The following CASKIN1 variants were observed in gnomAD, a reference collection of about 807,000 sequenced individuals.
CASKIN1 encodes the protein CASK interacting protein 1, also known as caskin-1.
Under a neutral mutation model 117.5 loss-of-function variants are expected in CASKIN1, and 42 were observed. That is an observed-to-expected ratio of 0.36 (90% CI 0.28 to 0.46). The LOEUF (loss-of-function observed/expected upper bound fraction) is 0.46. Among genes scored for constraint, CASKIN1 ranks in the 20% least tolerant of loss-of-function variants. The pLI is 1.00. For missense variants in CASKIN1, 2,083 were observed against 2,077.3 expected, an observed-to-expected ratio of 1.00 and a Z score of -0.05; for synonymous variants, 1,148 against 961.7, an observed-to-expected ratio of 1.19 and a Z score of -3.59.
chr16:2,196,200 A>T lies in CASKIN1; in HGVS notation c.94+139T>A. ...GGCAGCGGGTGGAGGGCACGGACCA[A>T]GGGTCTGGGCGCTGCTGGCCCCGCC... On this transcript the variant is annotated intron_variant, in intron 1 of 19. Coordinates refer to ENST00000343516, the MANE Select transcript of CASKIN1 (RefSeq NM_020764.4). This position sits in a 1 kb window ranked among gnomAD's most constrained non-coding sequence, Gnocchi z 5.7. The T allele has an allele frequency of 3.9e-6, 1 of 254,974 alleles. No individual in the cohort carries two copies. The highest frequency in any genetic ancestry group is 7.2e-6 in the Non-Finnish European group (1 of 138,480). The allele number at this position is 254,974 out of a possible 1,614,324, so 15.8% of individuals were successfully genotyped here.
Position 2,189,271 on chromosome 16 carries a change from G to A in CASKIN1, c.453C>T (p.Pro151=), listed in dbSNP as rs772713304. ...PCMVDNSGKT[P]LDLACEFGRV... ...GGCCGAACTCGCAGGCCAGGTCCAGGGGCGTCTTCCCCGAGTTGTCCACCA... is the reference window on the plus strand; with the variant it reads ...GGCCGAACTCGCAGGCCAGGTCCAGAGGCGTCTTCCCCGAGTTGTCCACCA... Residue 151 remains proline, a synonymous_variant, in exon 5 of 20, where the codon CCC becomes CCT. Transcript: ENST00000343516. 14 of 1,613,288 alleles carry A rather than the reference G, an allele frequency of 8.7e-6. No homozygotes were observed. The highest frequency in any genetic ancestry group is 2.2e-5 in the East Asian group (1 of 44,870).
rs2093169836 is a variant in CASKIN1, at chr16:2,182,043, G to A, written c.1630-114C>T. The A allele has an allele frequency of 6.8e-7, 1 of 1,460,572 alleles. No individual in the cohort carries two copies. Among genetic ancestry groups the A allele is most frequent in the Non-Finnish European group, 9.4e-7 (1 of 1,066,592 alleles). 90.5% of individuals were successfully genotyped at this position (1,460,572 alleles called of 1,614,324 possible). Reference sequence around the variant, plus strand: ...GCCAGCAGGGCACAGACAGACAGGAGGACAAACGGATAGGCCGAGGTATTG... The same window carrying A: ...GCCAGCAGGGCACAGACAGACAGGAAGACAAACGGATAGGCCGAGGTATTG... On this transcript the variant is annotated intron_variant, in intron 16 of 19. Coordinates refer to ENST00000343516, the MANE Select transcript of CASKIN1 (RefSeq NM_020764.4). The surrounding 1 kb of genome is among the most constrained non-coding windows in gnomAD (Gnocchi z 4.1).
At position 2,179,670 on chromosome 16, in the gene CASKIN1, G is replaced by A. The variant is rs750106651; in HGVS notation, c.3698C>T (p.Thr1233Met). The A allele has an allele frequency of 1.3e-6, 2 of 1,516,224 alleles. No homozygotes were observed. The highest frequency in any genetic ancestry group is 1.4e-5 in the African/African-American group (1 of 71,798). The allele number at this position is 1,516,224 out of a possible 1,614,324, so 93.9% of individuals were successfully genotyped here. The change falls in exon 18 of 20, where the codon ACG (threonine) becomes ATG (methionine). Residue 1233 changes from threonine (T) to methionine (M), a missense_variant. This residue lies in a region of CASKIN1 where 1,818 missense variants were observed against 1,688.9 expected (regional missense o/e 1.08). Transcript: ENST00000343516. This position sits in a 1 kb window ranked among gnomAD's most constrained non-coding sequence, Gnocchi z 5.8. ...GCCCTGGAGCTTGGGCACAGGCTGC[G>A]TCAGGACGGGCTTGGGAGAGACAGG... Reference protein sequence around the residue: ...KPPVSPKPVLTQPVPKLQGSP... With the variant: ...KPPVSPKPVLMQPVPKLQGSP...
intron 16 of CASKIN1, among the ~76,000 whole-genome samples, chr16:2,183,026 A>G (rs2141316569): frequency 6.6e-6 from 1 of 152,292 alleles, no homozygotes; most frequent in East Asian, 1.9e-4. Context: ...TGACCTCGTG[A>G]TCCACCTACC....
In CASKIN1 at chr16:2,181,616, G is replaced by C; in HGVS notation, c.1769-17C>G. 1 of 1,544,718 alleles carries C rather than the reference G, an allele frequency of 6.5e-7. No homozygotes were observed. Among genetic ancestry groups the C allele is most frequent in the Non-Finnish European group, 8.7e-7 (1 of 1,148,800 alleles). ...TCTGGTGCCCTGAGTGGGGCGCAGG[G>C]GGCAGGTCAGGTGGACCAGGAGGCG... On this transcript the variant is annotated splice_polypyrimidine_tract_variant and intron_variant, in intron 17 of 19. Transcript: ENST00000343516.
At position 2,182,460 on chromosome 16, in the gene CASKIN1, G is replaced by A. The variant is rs770445986; in HGVS notation, c.1630-531C>T. On this transcript the variant is annotated intron_variant, in intron 16 of 19. Coordinates refer to ENST00000343516, the MANE Select transcript of CASKIN1 (RefSeq NM_020764.4). The surrounding 1 kb of genome is among the most constrained non-coding windows in gnomAD (Gnocchi z 4.1). ...CAGCAATCTGCACCGAGAAACACCC[G>A]ATCACTCCCCGAGCGGCATTCAGGC... Among the ~76,000 whole-genome samples the A allele has an allele frequency of 2.0e-5, 3 of 151,806 alleles. No homozygotes were observed. The highest frequency in any genetic ancestry group is 4.4e-5 in the Non-Finnish European group (3 of 67,954).
chr16:2,179,727 G>A lies in CASKIN1; in HGVS notation c.3641C>T (p.Pro1214Leu). Residue 1214 changes from proline (P) to leucine (L), a missense_variant, in exon 18 of 20, where the codon CCC becomes CTC. Transcript: ENST00000343516. The surrounding 1 kb of genome is among the most constrained non-coding windows in gnomAD (Gnocchi z 5.8). ...DLAHLPPLPPPEGEARKPAKP... is the reference protein window; with the variant it reads ...DLAHLPPLPPLEGEARKPAKP... The stretch of plus-strand genomic sequence containing the variant: ...GGCCGGCTTCCGGGCTTCGCCCTCG[G>A]GCGGGGGCAATGGGGGTAGGTGCGC... The A allele has an allele frequency of 1.3e-6, 2 of 1,546,670 alleles. No homozygotes were observed. Among genetic ancestry groups the A allele is most frequent in the Non-Finnish European group, 1.7e-6 (2 of 1,152,936 alleles).
chr16:2,179,915 C>T lies in CASKIN1; in HGVS notation c.3453G>A (p.Arg1151=). 6.2e-7 allele frequency: 1 copy of T among 1,605,368 alleles called. No individual in the cohort carries two copies. The highest frequency in any genetic ancestry group is 1.1e-5 in the South Asian group (1 of 89,906). The change falls in exon 18 of 20, where the codon AGG becomes AGA. Residue 1151 remains arginine, a synonymous_variant. Coordinates refer to ENST00000343516, the MANE Select transcript of CASKIN1 (RefSeq NM_020764.4). The surrounding 1 kb of genome is among the most constrained non-coding windows in gnomAD (Gnocchi z 5.8). ...ILTESDTVKR[R]PKAKEREAGP... ...CGGCCTCCCGCTCCTTGGCCTTGGG[C>T]CTGCGCTTGACCGTGTCAGACTCGG... is the stretch of plus-strand genomic sequence containing the variant.
chr16:2,180,982 C>T lies in CASKIN1; in HGVS notation c.2386G>A (p.Gly796Ser), dbSNP rs2093165837. Reference sequence around the variant, plus strand: ...ACCTTGGCCGTAGCTGGGGCTGGACCATGAGGTCCCCCAAGGGCCTGGGGA... The same window carrying T: ...ACCTTGGCCGTAGCTGGGGCTGGACTATGAGGTCCCCCAAGGGCCTGGGGA... ...GSPQALGGPH[G>S]PAPATAKVKP... is the part of the protein sequence containing the mutation. The change falls in exon 18 of 20, where the codon GGT (glycine) becomes AGT (serine). Residue 796 changes from glycine to serine, a missense_variant. Physicochemically the swap from Gly to Ser is moderately conservative, Grantham distance 56. Transcript: ENST00000343516. 2.0e-6 allele frequency: 3 copies of T among 1,474,708 alleles called. No homozygotes were observed. The highest frequency in any genetic ancestry group is 2.5e-5 in the East Asian group (1 of 39,534). The allele number at this position is 1,474,708 out of a possible 1,614,324, so 91.4% of individuals were successfully genotyped here.
chr16:2,191,391 G>T (rs374620268), intron 1 of CASKIN1, among the ~76,000 whole-genome samples: 1 of 152,210 alleles, frequency 6.6e-6, no homozygotes, highest in East Asian at 1.9e-4. Flanking sequence ...GAGGCTGGCC[G>T]AAGGAGCCAG....
Position 2,181,284 on chromosome 16 carries a change from C to T in CASKIN1, c.2084G>A (p.Ser695Asn). 1.2e-6 allele frequency: 2 copies of T among 1,602,506 alleles called. No homozygotes were observed. The highest frequency in any genetic ancestry group is 4.5e-5 in the East Asian group (2 of 44,764). ...CATGTGCCGTGCCCGACCACCCAGG[C>T]TGGAGTCCTGCCGCGTGGTGGCCCT... Reference protein sequence around the residue: ...TPRATTRQDSSLGGRARHMSS... With the variant: ...TPRATTRQDSNLGGRARHMSS... The change falls in exon 18 of 20, where the codon AGC becomes AAC. Residue 695 changes from serine (S) to asparagine (N), a missense_variant. Ser to Asn is a conservative substitution (Grantham distance 46). Coordinates refer to ENST00000343516, the MANE Select transcript of CASKIN1 (RefSeq NM_020764.4).
chr16:2,196,155 G>A lies in CASKIN1; in HGVS notation c.94+184C>T, dbSNP rs1299558480. On this transcript the variant is annotated intron_variant, in intron 1 of 19. Coordinates refer to ENST00000343516, the MANE Select transcript of CASKIN1 (RefSeq NM_020764.4). The surrounding 1 kb of genome is among the most constrained non-coding windows in gnomAD (Gnocchi z 5.7). The stretch of plus-strand genomic sequence containing the variant: ...ACGGTGGCGGCCGGCTCTCGGGGCC[G>A]CCCCATCTCCAGTGCTGGGGGCAGC... Among the ~76,000 whole-genome samples the A allele has an allele frequency of 6.6e-6, 1 of 151,864 alleles. No individual in the cohort carries two copies. The highest frequency in any genetic ancestry group is 2.4e-5 in the African/African-American group (1 of 41,382).
rs996573190 is a variant in CASKIN1 at position 2,180,223 on chromosome 16, G to A, written c.3145C>T (p.His1049Tyr). Residue 1049 changes from histidine (H) to tyrosine (Y), a missense_variant, in exon 18 of 20, where the codon CAC becomes TAC. His to Tyr is a moderately conservative substitution (Grantham distance 83, BLOSUM62 2). This residue lies in a region of CASKIN1 where 1,818 missense variants were observed against 1,688.9 expected (regional missense o/e 1.08). Transcript: ENST00000343516. ...RVATVLASVK[H>Y]KEAIGPGGEV... ...CCGCCAGGCCCGATGGCCTCTTTGT[G>A]TTTCACTGAGGCCAGCACGGTGGCC... 6.4e-7 allele frequency: 1 copy of A among 1,551,308 alleles called. No homozygotes were observed. Among genetic ancestry groups the A allele is most frequent in the Admixed American group, 1.9e-5 (1 of 51,464 alleles).
In CASKIN1 at chr16:2,181,439, G is replaced by A. The variant is rs753898630; in HGVS notation, c.1929C>T (p.Asp643=). ...AGGTGGTCATTTTAGGGGACTGGCA[G>A]TCGGCCGGTGTGGGCTCAGGCGGGG... The part of the protein sequence containing the change: ...SPPPPEPTPA[D]CQSPKMTTFQ... The change falls in exon 18 of 20, where the codon GAC becomes GAT. Residue 643 remains aspartate (D), a synonymous_variant. Coordinates refer to ENST00000343516, the MANE Select transcript of CASKIN1 (RefSeq NM_020764.4). 92 of 1,612,228 alleles carry A rather than the reference G, an allele frequency of 5.7e-5. 1 individual carries two copies. In the Admixed American group the frequency reaches 1.5e-3, roughly 26 times the overall value.
chr16:2,185,540 T>C lies in CASKIN1; in HGVS notation c.1049-132A>G, dbSNP rs1055991825. The C allele has an allele frequency of 3.4e-5, 25 of 745,884 alleles. No homozygotes were observed. In the African/African-American group the frequency reaches 3.6e-4, roughly 11 times the overall value. 46.2% of individuals were successfully genotyped at this position (745,884 alleles called of 1,614,324 possible). A position where few individuals can be genotyped will look rare whatever the true frequency, so the allele number is the denominator to read the frequency against. On this transcript the variant is annotated intron_variant, in intron 10 of 19. Transcript: ENST00000343516. ...CCCACCATTGTCTCCAGGGAGCTGA[T>C]AGCCCCTCGGAAGACCCCTCCCACC...
At position 2,196,461 on chromosome 16, in the gene CASKIN1, TG is replaced by T; in HGVS notation, c.-30del. The T allele has an allele frequency of 8.7e-7, 1 of 1,146,984 alleles. No individual in the cohort carries two copies. The highest frequency in any genetic ancestry group is 2.3e-5 in the South Asian group (1 of 42,572). 71.1% of individuals were successfully genotyped at this position (1,146,984 alleles called of 1,614,324 possible). On this transcript the variant is annotated 5_prime_UTR_variant, in exon 1 of 20. Transcript: ENST00000343516. The surrounding 1 kb of genome is among the most constrained non-coding windows in gnomAD (Gnocchi z 5.7). ...GCGGCCGGGGCCGCAGCGACGCGGC[TG>T]CGCTCGTGAGCTCGGCGCGGCTCAG...
At chr16:2,188,307 C>T (rs917635322) in intron 6 of CASKIN1, among the ~76,000 whole-genome samples, 1 of 151,838 alleles carries the variant, frequency 6.6e-6, no homozygotes, top group Non-Finnish European at 1.5e-5. Flanking sequence ...CCACCTCAGC[C>T]TCTCAAGCAG....
In CASKIN1 at chr16:2,180,782, T is replaced by C. The variant is rs2093164974; in HGVS notation, c.2586A>G (p.Thr862=). 2 of 1,418,586 alleles carry C rather than the reference T, an allele frequency of 1.4e-6. No individual in the cohort carries two copies. The highest frequency in any genetic ancestry group is 1.5e-5 in the African/African-American group (1 of 66,332). 87.9% of individuals were successfully genotyped at this position (1,418,586 alleles called of 1,614,324 possible). ...APPPVPTAVP[T]LCLPPEADAE... is the part of the protein sequence containing the mutation. ...CGTCGGCCTCAGGGGGCAGGCACAG[T>C]GTGGGCACAGCCGTCGGCACGGGTG... The change falls in exon 18 of 20, where the codon ACA becomes ACG. Residue 862 remains threonine, a synonymous_variant. Coordinates refer to ENST00000343516, the MANE Select transcript of CASKIN1 (RefSeq NM_020764.4).
chr16:2,181,654 C>T, intron 17 of CASKIN1, 55 bp from the exon 18 acceptor site: 1 of 1,045,778 alleles, frequency 9.6e-7, no homozygotes, highest in East Asian at 6.5e-5. Context: ...GGGGCAGGGG[C>T]CGGGCTAGGG....
Sources: allele counts gnomAD v4.1 joint callset (sites outside exome capture counted in the v4.1 genomes callset), GRCh38; gene constraint gnomAD v4.1.1; regional missense constraint gnomAD v4.1.1; non-coding constraint Gnocchi (gnomAD v3.1); transcripts MANE v1.5; gene names NCBI Gene and HGNC (gene_info 2026-07-23, HGNC 2026-07-21).